Variants in PCDHA1 observed in about 807,000 individuals in gnomAD.
PCDHA1 encodes the protein protocadherin alpha 1.
PCDHA1 carries 42 observed loss-of-function variants against 61.3 expected under a neutral mutation model. The ratio of observed to expected loss-of-function variants is 0.69; its 90% confidence interval spans 0.54 to 0.89. PCDHA1 has a LOEUF of 0.89. Ranked by LOEUF, PCDHA1 falls within the 40% of genes least tolerant of loss-of-function variation. PCDHA1 has a pLI of 0.00. For missense variants in PCDHA1, 1,256 were observed against 1,235.3 expected (o/e 1.02, Z -0.25); for synonymous variants, 610 against 553.8 (o/e 1.10, Z -1.43).
chr5:140,928,563 T>C lies in PCDHA1; in HGVS notation c.2395-50386T>C, dbSNP rs138980511. 9.3e-4 allele frequency: 1,498 copies of C among 1,614,116 alleles called. 1 individual carries two copies. Among genetic ancestry groups the C allele is most frequent in the Non-Finnish European group, 1.2e-3 (1,397 of 1,180,050 alleles). On this transcript the variant is annotated intron_variant, in intron 1 of 3. Coordinates refer to ENST00000504120, the MANE Select transcript of PCDHA1 (RefSeq NM_018900.4). ...ATGACAATTATCCGGTTATCTTGTT[T>C]CCCTTGCCCAGAAATGGTTCTGTCC...
At chr5:140,790,064 T>C (rs944420210) in intron 1 of PCDHA1, among the ~76,000 whole-genome samples, 8 of 152,152 alleles carry the variant, frequency 5.3e-5, no homozygotes, top group African/African-American at 1.7e-4. Flanking sequence ...TGTAAGTCAA[T>C]ATAGAAGTAT....
chr5:140,883,616 G>T (rs781929949), intron 1 of PCDHA1: 69 of 1,613,896 alleles, frequency 4.3e-5, no homozygotes, highest in Non-Finnish European at 5.7e-5. Flanking sequence ...CGACGTGAAC[G>T]ACAACGCGCC....
In PCDHA1 at chr5:140,843,290, C is replaced by A. The variant is rs2150356540; in HGVS notation, c.2394+54606C>A. On this transcript the variant is annotated intron_variant, in intron 1 of 3. Transcript: ENST00000504120. Reference sequence around the variant, plus strand: ...GGTCCTGGTGAAGGATCATGGTGAACCTGCGCTGACCGCCACGGCCACGGT... The same window carrying A: ...GGTCCTGGTGAAGGATCATGGTGAAACTGCGCTGACCGCCACGGCCACGGT... The A allele has an allele frequency of 1.2e-4, 199 of 1,595,966 alleles. 7 individuals carry two copies. The East Asian group carries it at 4.2e-3, about 34-fold the overall frequency.
At chr5:140,794,982 A>G (rs1172925947) in intron 1 of PCDHA1, 1 of 1,610,934 alleles carries the variant, frequency 6.2e-7, no homozygotes, top group Non-Finnish European at 8.5e-7. Context: ...CTTCTATCAG[A>G]AGGGGCCGAG....
At chr5:140,822,300 A>T in intron 1 of PCDHA1, 1 of 1,614,264 alleles carries the variant, frequency 6.2e-7, no homozygotes. Context: ...ATCCAAACGA[A>T]TATTTTGACT....
chr5:140,828,649 T>C, intron 1 of PCDHA1: 2 of 1,614,100 alleles, frequency 1.2e-6, no homozygotes, highest in Non-Finnish European at 1.7e-6. Context: ...AAATAAACAG[T>C]GATGACAATA....
intron 1 of PCDHA1, chr5:140,823,750 A>T (rs2150128815): frequency 5.0e-6 from 8 of 1,613,666 alleles, no homozygotes; most frequent in Non-Finnish European, 6.8e-6. Context: ...GCCCCCGCTG[A>T]CAGCCACAGC....
intron 1 of PCDHA1, chr5:140,795,953 T>C: frequency 6.2e-7 from 1 of 1,614,144 alleles, no homozygotes; most frequent in South Asian, 1.1e-5. Flanking sequence ...ACCCCTTCAA[T>C]GTCAGGACAT....
intron 1 of PCDHA1, chr5:140,795,502 C>G (rs1381910879): frequency 6.2e-7 from 1 of 1,614,122 alleles, no homozygotes; most frequent in Non-Finnish European, 8.5e-7. Flanking sequence ...GTTTTTCTTC[C>G]TAGATATACA....
At chr5:140,841,888 T>A (rs2150324867) in intron 1 of PCDHA1, 2 of 1,613,782 alleles carry the variant, frequency 1.2e-6, no homozygotes, top group Non-Finnish European at 1.7e-6. Flanking sequence ...ACGATGAGAA[T>A]AAACTGGTTG....
chr5:140,830,518 T>G (rs933465467), intron 1 of PCDHA1: 1 of 1,345,070 alleles, frequency 7.4e-7, no homozygotes, highest in Admixed American at 2.6e-5. Flanking sequence ...CAGTTAATTT[T>G]TATTTTAAAT....
chr5:140,871,211 T>C (rs781784103), intron 1 of PCDHA1: 2 of 1,613,842 alleles, frequency 1.2e-6, no homozygotes, highest in Non-Finnish European at 1.7e-6. Context: ...ATCATCGCCA[T>C]CTGCGTGGTG....
At chr5:140,884,977 A>C (rs782168505) in intron 1 of PCDHA1, among the ~76,000 whole-genome samples, 19 of 152,222 alleles carry the variant, frequency 1.2e-4, no homozygotes, top group Admixed American at 5.2e-4. Context: ...GAGAACTTAA[A>C]CATTTAGAAA....
chr5:140,808,123 A>C, intron 1 of PCDHA1: 2 of 1,614,078 alleles, frequency 1.2e-6, no homozygotes, highest in Non-Finnish European at 1.7e-6. Flanking sequence ...ACTTTGAAGA[A>C]AGCAAATCCT....
intron 1 of PCDHA1, among the ~76,000 whole-genome samples, chr5:140,946,637 G>T: frequency 1.5e-5 from 1 of 64,620 alleles, no homozygotes; most frequent in African/African-American, 1.0e-4. Flanking sequence ...TATATACAAT[G>T]GAATACTCAT....
At chr5:140,998,130 A>C (rs1226238554) in intron 3 of PCDHA1, among the ~76,000 whole-genome samples, 1 of 152,206 alleles carries the variant, frequency 6.6e-6, no homozygotes, top group Non-Finnish European at 1.5e-5. Context: ...GAATCATAAT[A>C]GCTAACCTGT....
chr5:140,801,841 T>C (rs1762797583), intron 1 of PCDHA1: 2 of 1,614,030 alleles, frequency 1.2e-6, no homozygotes, highest in Non-Finnish European at 8.5e-7. Context: ...ATAACAGCAA[T>C]TGATGGTGGG....
At position 140,787,217 on chromosome 5, in the gene PCDHA1, T is replaced by C; in HGVS notation, c.927T>C (p.Asp309=). 6.2e-7 allele frequency: 1 copy of C among 1,614,120 alleles called. No homozygotes were observed. The highest frequency in any genetic ancestry group is 8.5e-7 in the Non-Finnish European group (1 of 1,180,018). The part of the protein sequence containing the change: ...SGEIRLIDKL[D]YEETKSYEIQ... ...AAATTAGGTTAATTGATAAACTGGA[T>C]TATGAAGAAACAAAATCCTACGAAA... Residue 309 remains aspartate (D), a synonymous_variant, in exon 1 of 4, where the codon GAT becomes GAC. Transcript: ENST00000504120.
chr5:140,826,610 G>A (rs1331422800), intron 1 of PCDHA1, among the ~76,000 whole-genome samples: 1 of 152,086 alleles, frequency 6.6e-6, no homozygotes, highest in Admixed American at 6.6e-5. Flanking sequence ...AATTAAGGGC[G>A]AAGTTGATAT....
Sources: gnomAD v4.1 joint callset for allele counts (sites outside exome capture counted in the v4.1 genomes callset) on GRCh38, gnomAD v4.1.1 for gene constraint, MANE v1.5 for transcripts, NCBI Gene and HGNC (gene_info 2026-07-23, HGNC 2026-07-21) for gene names.